The following UBAC2 variants were observed in gnomAD, a reference collection of about 807,000 sequenced individuals.
UBAC2 encodes the protein ubiquitin-associated domain-containing protein 2.
UBAC2 carries 26 observed loss-of-function variants against 44.0 expected under a neutral mutation model. The ratio of observed to expected loss-of-function variants is 0.59; its 90% CI spans 0.43 to 0.82. The LOEUF is 0.82. Among genes scored for constraint, UBAC2 ranks in the 40% least tolerant of loss-of-function variants. UBAC2 has a pLI of 0.00. For synonymous variants in UBAC2, 155 were observed against 154.3 expected (o/e 1.00, Z -0.04); for missense variants, 329 against 419.4 (o/e 0.78, Z 1.88).
chr13:99,273,617 A>G lies in UBAC2; in HGVS notation c.389+28993A>G, dbSNP rs1345185219. Among the ~76,000 whole-genome samples the G allele has an allele frequency of 2.6e-5, 4 of 152,198 alleles. No homozygotes were observed. In the East Asian group the frequency reaches 7.7e-4, roughly 29 times the overall value. ...TTGCAGTGTGGCTGTTGATGAATTTAGTGTTGATCTGATTATTAATACTTT... is the reference window on the plus strand; with the variant it reads ...TTGCAGTGTGGCTGTTGATGAATTTGGTGTTGATCTGATTATTAATACTTT... On this transcript the variant is annotated intron_variant, in intron 4 of 8. Transcript: ENST00000403766.
chr13:99,330,884 T>A (rs1224574796), intron 6 of UBAC2, among the ~76,000 whole-genome samples: 1 of 152,226 alleles, frequency 6.6e-6, no homozygotes, highest in Non-Finnish European at 1.5e-5. Context: ...TTTTTATTAA[T>A]TTTTCATTTT....
At chr13:99,337,310 AGGGTT>A (rs1215531240) in intron 6 of UBAC2, among the ~76,000 whole-genome samples, 4 of 151,890 alleles carry the variant, frequency 2.6e-5, no homozygotes, top group African/African-American at 9.7e-5. Flanking sequence ...TATTATCACT[AGGGTT>A]GGTTTTGAAA....
intron 6 of UBAC2, among the ~76,000 whole-genome samples, chr13:99,318,913 A>G (rs2044531726): frequency 6.6e-6 from 1 of 151,500 alleles, no homozygotes; most frequent in Admixed American, 6.6e-5. Flanking sequence ...TGAAAGTTTT[A>G]GCTGGGCTTG....
At chr13:99,285,285 CTCTTCCTCCTCT>C (rs2044004023) in intron 4 of UBAC2, among the ~76,000 whole-genome samples, 1 of 151,914 alleles carries the variant, frequency 6.6e-6, no homozygotes, top group African/African-American at 2.4e-5. Context: ...CCTGCTCCTC[CTCTTCCTCCTCT>C]TCTTCCTCCC....
chr13:99,376,350 C>T (rs1344998799), intron 8 of UBAC2, among the ~76,000 whole-genome samples: 4 of 152,214 alleles, frequency 2.6e-5, no homozygotes, highest in South Asian at 2.1e-4. Context: ...AAGCTCGTGA[C>T]GAAAGGCAAC....
chr13:99,221,506 T>C (rs754282727), intron 1 of UBAC2, among the ~76,000 whole-genome samples: 11 of 152,204 alleles, frequency 7.2e-5, no homozygotes, highest in African/African-American at 2.7e-4. Flanking sequence ...CTCACTAGCT[T>C]CTTCTTGCAC....
chr13:99,329,914 T>C (rs2044690779), intron 6 of UBAC2, among the ~76,000 whole-genome samples: 1 of 152,210 alleles, frequency 6.6e-6, no homozygotes, highest in Admixed American at 6.5e-5. Context: ...TCTTAGGTAA[T>C]TTGTTGCTCA....
At chr13:99,207,026 G>A (rs539356296) in intron 1 of UBAC2, among the ~76,000 whole-genome samples, 16 of 152,300 alleles carry the variant, frequency 1.1e-4, no homozygotes, top group Non-Finnish European at 1.8e-4. Context: ...GTCTTTTCTA[G>A]CACCACTCTT....
chr13:99,258,753 A>T (rs990633622), intron 4 of UBAC2, among the ~76,000 whole-genome samples: 19 of 152,208 alleles, frequency 1.2e-4, no homozygotes, highest in Non-Finnish European at 1.9e-4. Context: ...ATCCAGTAGG[A>T]TTGTAGGGGC....
At chr13:99,346,142 C>G (rs879404970) in intron 7 of UBAC2, among the ~76,000 whole-genome samples, 3 of 152,234 alleles carry the variant, frequency 2.0e-5, no homozygotes, top group Non-Finnish European at 4.4e-5. Context: ...GGGTTTCACC[C>G]CAGACATTTC....
chr13:99,340,343 C>G lies in UBAC2; in HGVS notation c.585C>G (p.Ser195Arg). 1 of 1,614,230 alleles carries G rather than the reference C, an allele frequency of 6.2e-7. No individual in the cohort carries two copies. Among genetic ancestry groups the G allele is most frequent in the African/African-American group, 1.3e-5 (1 of 75,052 alleles). The change falls in exon 7 of 9, where the codon AGC (serine) becomes AGG (arginine). Residue 195 changes from serine to arginine, a missense_variant. By Grantham distance (110) the Ser-to-Arg change is moderately radical. Transcript: ENST00000403766. The stretch of plus-strand genomic sequence containing the variant: ...AGATGTCCGGTCTGTGCTACGACAG[C>G]AAAATGTTCCAGGTGCATCAGGTGC... ...SGLMSGLCYD[S>R]KMFQVHQVLC...
At chr13:99,201,579 A>G in intron 1 of UBAC2, 2 of 1,613,520 alleles carry the variant, frequency 1.2e-6, no homozygotes, top group African/African-American at 1.3e-5. Context: ...TAGGGGGCGG[A>G]GTATTTTTAC....
chr13:99,291,799 G>C (rs545232516), intron 4 of UBAC2, among the ~76,000 whole-genome samples: 1 of 152,236 alleles, frequency 6.6e-6, no homozygotes, highest in African/African-American at 2.4e-5. Context: ...TGAGAATTAA[G>C]AACTTCACAG....
intron 1 of UBAC2, among the ~76,000 whole-genome samples, chr13:99,232,066 T>A (rs913288272): frequency 3.9e-5 from 6 of 152,278 alleles, no homozygotes; most frequent in Non-Finnish European, 8.8e-5. Context: ...TACATGTGTA[T>A]TTATATAGGT....
intron 1 of UBAC2, among the ~76,000 whole-genome samples, chr13:99,229,205 C>G (rs1025974422): frequency 1.3e-5 from 2 of 152,062 alleles, no homozygotes; most frequent in African/African-American, 2.4e-5. Flanking sequence ...TGTGTGGGAA[C>G]GAGGGTGCAG....
chr13:99,244,760 GTCTAA>G, intron 4 of UBAC2, 136 bp downstream of exon 4: 1 of 498,512 alleles, frequency 2.0e-6, no homozygotes, highest in Non-Finnish European at 3.5e-6. Flanking sequence ...TATGTAAAAA[GTCTAA>G]TCTATGCCTA....
At chr13:99,376,422 C>T (rs1265447685) in intron 8 of UBAC2, among the ~76,000 whole-genome samples, 2 of 152,180 alleles carry the variant, frequency 1.3e-5, no homozygotes, top group East Asian at 1.9e-4. Context: ...GTCTTCATCC[C>T]TGTGGGGGCT....
chr13:99,256,864 G>GC (rs1377675182), intron 4 of UBAC2, among the ~76,000 whole-genome samples: 1 of 152,170 alleles, frequency 6.6e-6, no homozygotes, highest in East Asian at 1.9e-4. Context: ...GGAATCTGTG[G>GC]CATCCCCTTG....
chr13:99,350,153 T>A (rs906371318), intron 7 of UBAC2, among the ~76,000 whole-genome samples: 4 of 152,252 alleles, frequency 2.6e-5, no homozygotes, highest in Admixed American at 2.6e-4. Flanking sequence ...ATGTTTATAA[T>A]GATTGATAAT....
Sources: allele counts gnomAD v4.1 joint callset (sites outside exome capture counted in the v4.1 genomes callset), GRCh38; gene constraint gnomAD v4.1.1; transcripts MANE v1.5; gene names NCBI Gene and HGNC (gene_info 2026-07-23, HGNC 2026-07-21).